FAT3: variants seen among roughly 807,000 people sequenced by gnomAD.
The protein encoded by FAT3 is protocadherin Fat 3.
In FAT3, 95 loss-of-function variants were observed where a neutral mutation model predicts 310.2. The observed-to-expected ratio is 0.31, with a 90% CI of 0.26 to 0.36. FAT3 has a LOEUF of 0.36. Among genes scored for constraint, FAT3 ranks in the 10% least tolerant of loss-of-function variants. The pLI, the probability that FAT3 is intolerant of heterozygous loss-of-function variation, is 1.00. For synonymous variants in FAT3, 2,314 were observed against 2,192.9 expected, an observed-to-expected ratio of 1.06 and a Z score of -1.54; for missense variants, 5,408 against 5,715.6, an observed-to-expected ratio of 0.95 and a Z score of 1.74.
chr11:92,778,590 T>A (rs1946653939), intron 7 of FAT3, among the ~76,000 whole-genome samples: 1 of 152,244 alleles, frequency 6.6e-6, no homozygotes, highest in Non-Finnish European at 1.5e-5. Context: ...AACTTGTTAA[T>A]AAATTTTGGC....
chr11:92,391,085 A>G (rs1268211891), intron 2 of FAT3, among the ~76,000 whole-genome samples: 3 of 152,196 alleles, frequency 2.0e-5, no homozygotes, highest in African/African-American at 7.2e-5. Context: ...ACTCCAGAGC[A>G]GTTAACAACT....
intron 2 of FAT3, among the ~76,000 whole-genome samples, chr11:92,503,485 T>G (rs1953008488): frequency 6.6e-6 from 1 of 152,086 alleles, no homozygotes; most frequent in African/African-American, 2.4e-5. Context: ...AGTATTCCTA[T>G]TTTATAGGTA....
intron 3 of FAT3, among the ~76,000 whole-genome samples, chr11:92,564,838 C>T (rs1337027132): frequency 8.4e-5 from 12 of 142,256 alleles, no homozygotes; most frequent in East Asian, 2.2e-4. Flanking sequence ...TTGAAACCAA[C>T]GAGAACAAAG....
chr11:92,430,435 C>T (rs1950739400), intron 2 of FAT3, among the ~76,000 whole-genome samples: 1 of 151,998 alleles, frequency 6.6e-6, no homozygotes, highest in Admixed American at 6.6e-5. Flanking sequence ...GAATTTTCCG[C>T]CTTTTGCACT....
At chr11:92,727,586 T>A (rs1001770582) in intron 4 of FAT3, among the ~76,000 whole-genome samples, 4 of 152,172 alleles carry the variant, frequency 2.6e-5, no homozygotes, top group African/African-American at 9.6e-5. Flanking sequence ...GGACCAGTGC[T>A]GAGCATCATC....
chr11:92,361,254 T>C (rs141627282), intron 2 of FAT3, among the ~76,000 whole-genome samples: 1 of 152,282 alleles, frequency 6.6e-6, no homozygotes, highest in East Asian at 1.9e-4. Flanking sequence ...TTAAAGTATC[T>C]ATTCAAAACT....
At chr11:92,890,345 G>A (rs1013736313) in intron 27 of FAT3, 146 bp from the exon 28 acceptor site, 2 of 967,556 alleles carry the variant, frequency 2.1e-6, no homozygotes, top group African/African-American at 1.6e-5. Context: ...GCCAAAGCAT[G>A]GCTGGCCCCA....
chr11:92,606,825 T>C (rs1240103966), intron 3 of FAT3, among the ~76,000 whole-genome samples: 1 of 152,188 alleles, frequency 6.6e-6, no homozygotes. Context: ...TGTATAGGCT[T>C]TGGAGCAGAT....
intron 23 of FAT3, 90 bp downstream of exon 23, chr11:92,880,974 C>T: frequency 7.1e-7 from 1 of 1,399,748 alleles, no homozygotes; most frequent in East Asian, 2.3e-5. Context: ...AAATATTTAC[C>T]ACTAATAGTA....
intron 3 of FAT3, among the ~76,000 whole-genome samples, chr11:92,671,625 A>G (rs1281600475): frequency 1.3e-5 from 2 of 152,014 alleles, no homozygotes; most frequent in African/African-American, 4.8e-5. Context: ...GTTTTCCTTC[A>G]AAGCATTTAT....
chr11:92,455,018 A>T (rs926176860), intron 2 of FAT3, among the ~76,000 whole-genome samples: 2 of 152,130 alleles, frequency 1.3e-5, no homozygotes, highest in Non-Finnish European at 2.9e-5. Context: ...TGCTTATAGA[A>T]CAGGGAGTTC....
At chr11:92,355,496 G>T (rs914912953) in intron 2 of FAT3, 92 bp downstream of exon 2, 6 of 1,279,772 alleles carry the variant, frequency 4.7e-6, no homozygotes, top group Non-Finnish European at 4.3e-6. Context: ...CACTAAAATA[G>T]AATGACAAAT....
At chr11:92,476,600 A>C (rs985720432) in intron 2 of FAT3, among the ~76,000 whole-genome samples, 1 of 152,224 alleles carries the variant, frequency 6.6e-6, no homozygotes, top group Admixed American at 6.5e-5. Flanking sequence ...AATGGAAGAC[A>C]CATAAATGCA....
chr11:92,310,111 A>G (rs377638601), intron 1 of FAT3, among the ~76,000 whole-genome samples: 45 of 152,282 alleles, frequency 3.0e-4, no homozygotes, highest in African/African-American at 1.1e-3. Flanking sequence ...CTTTTCCTGG[A>G]CTAGTAAAGA....
chr11:92,857,673 A>G (rs1342319902), intron 20 of FAT3, among the ~76,000 whole-genome samples: 1 of 152,214 alleles, frequency 6.6e-6, no homozygotes, highest in African/African-American at 2.4e-5. Context: ...GAGGAATCTG[A>G]GGATCTGTGG....
chr11:92,342,204 A>G (rs1306142219), intron 1 of FAT3, among the ~76,000 whole-genome samples: 3 of 152,110 alleles, frequency 2.0e-5, no homozygotes, highest in Non-Finnish European at 2.9e-5. Context: ...CATTTGTTAC[A>G]TCTTTTCTTG....
chr11:92,436,166 T>C (rs759768050), intron 2 of FAT3, among the ~76,000 whole-genome samples: 10 of 152,188 alleles, frequency 6.6e-5, no homozygotes, highest in Non-Finnish European at 1.2e-4. Context: ...TCACCCAGGC[T>C]GGAGCGTAGT....
At chr11:92,388,115 G>T (rs935507865) in intron 2 of FAT3, among the ~76,000 whole-genome samples, 1 of 152,236 alleles carries the variant, frequency 6.6e-6, no homozygotes, top group Admixed American at 6.5e-5. Flanking sequence ...TTTATGTTTA[G>T]ACTCCAAGCT....
chr11:92,647,584 A>T (rs1306083819), intron 3 of FAT3, among the ~76,000 whole-genome samples: 1 of 152,196 alleles, frequency 6.6e-6, no homozygotes, highest in Non-Finnish European at 1.5e-5. Context: ...GATAATTCTT[A>T]TAACATTTTT....
Sources: allele counts gnomAD v4.1 joint callset (sites outside exome capture counted in the v4.1 genomes callset), GRCh38; gene constraint gnomAD v4.1.1; transcripts MANE v1.5; gene names NCBI Gene and HGNC (gene_info 2026-07-23, HGNC 2026-07-21).